ARHGEF7: variants seen among roughly 807,000 people sequenced by gnomAD.
The protein encoded by ARHGEF7 is Rho guanine nucleotide exchange factor 7, also known as PAK-interacting exchange factor beta.
ARHGEF7 carries 33 observed loss-of-function variants against 109.8 expected under a neutral mutation model. That is an observed-to-expected ratio of 0.30 (90% CI 0.23 to 0.40). The LOEUF (loss-of-function observed/expected upper bound fraction) is 0.40. ARHGEF7 is among the 10% of genes least tolerant of loss of function. The pLI is 1.00. For missense variants in ARHGEF7, 938 were observed against 1,098.5 expected, an observed-to-expected ratio of 0.85 and a Z score of 2.07; for synonymous variants, 458 against 424.6, an observed-to-expected ratio of 1.08 and a Z score of -0.97.
At chr13:111,285,284 T>C (rs538270591) in intron 16 of ARHGEF7, among the ~76,000 whole-genome samples, 1 of 152,330 alleles carries the variant, frequency 6.6e-6, no homozygotes, top group South Asian at 2.1e-4. Context: ...AAAACCAAGC[T>C]TTGTTTCCTC....
At chr13:111,229,897 C>T (rs2085800368) in intron 5 of ARHGEF7, among the ~76,000 whole-genome samples, 1 of 152,080 alleles carries the variant, frequency 6.6e-6, no homozygotes, top group South Asian at 2.1e-4. Context: ...CTGCACACTT[C>T]CTTGCTATTT....
intron 4 of ARHGEF7, among the ~76,000 whole-genome samples, chr13:111,215,006 G>A (rs148681873): frequency 5.9e-4 from 90 of 151,494 alleles, no homozygotes; most frequent in African/African-American, 2.1e-3. Flanking sequence ...CAGGTGATTC[G>A]CTGAGACCTG....
chr13:111,270,285 C>T (rs1450010223), intron 9 of ARHGEF7, among the ~76,000 whole-genome samples: 1 of 152,228 alleles, frequency 6.6e-6, no homozygotes, highest in African/African-American at 2.4e-5. Context: ...GCCGTCAGCC[C>T]ACAGCACTGT....
At chr13:111,252,077 C>T (rs987038740) in intron 8 of ARHGEF7, among the ~76,000 whole-genome samples, 5 of 152,144 alleles carry the variant, frequency 3.3e-5, no homozygotes, top group Admixed American at 6.5e-5. Flanking sequence ...GAAGGTGCAG[C>T]GGGTGATTTG....
intron 8 of ARHGEF7, chr13:111,265,570 G>A (rs750933006): frequency 2.8e-5 from 13 of 456,638 alleles, no homozygotes; most frequent in South Asian, 1.2e-4. Context: ...CGGGAAGTCC[G>A]GGGTCTGAGG....
intron 1 of ARHGEF7, among the ~76,000 whole-genome samples, chr13:111,124,546 A>T (rs2067428414): frequency 6.6e-6 from 1 of 152,182 alleles, no homozygotes; most frequent in Non-Finnish European, 1.5e-5. Context: ...GACCCCTGCA[A>T]GGATGGCAAG....
At chr13:111,247,371 T>C (rs1056635025) in intron 8 of ARHGEF7, among the ~76,000 whole-genome samples, 3 of 151,892 alleles carry the variant, frequency 2.0e-5, no homozygotes, top group Non-Finnish European at 1.5e-5. Context: ...TGAGTTCAAG[T>C]GATTCTCCTG....
intron 2 of ARHGEF7, among the ~76,000 whole-genome samples, chr13:111,173,224 C>A (rs937730525): frequency 1.3e-5 from 2 of 152,154 alleles, no homozygotes; most frequent in Admixed American, 1.3e-4. Flanking sequence ...GCAGAAACAG[C>A]CTAGCCATGG....
rs1016877018 is a variant in ARHGEF7, at chr13:111,251,996, T to A, written c.950+7702T>A. Among the ~76,000 whole-genome samples the A allele has an allele frequency of 2.0e-5, 3 of 152,222 alleles. No homozygotes were observed. The East Asian group carries it at 5.8e-4, about 29-fold the overall frequency. On this transcript the variant is annotated intron_variant, in intron 8 of 21. Coordinates refer to ENST00000646102, the MANE Select transcript of ARHGEF7 (RefSeq NM_001354046.2). ...GGATCTCTTTGTCTGTGGTTGCCAC[T>A]GTAGTTGATACTTCCAAAGTGGGAG...
intron 3 of ARHGEF7, among the ~76,000 whole-genome samples, chr13:111,205,690 T>G (rs2081743749): frequency 6.6e-6 from 1 of 152,154 alleles, no homozygotes. Context: ...TAGAAGCACC[T>G]TTCTCTCAGT....
chr13:111,279,114 G>A (rs2092646157), intron 13 of ARHGEF7, among the ~76,000 whole-genome samples: 1 of 152,212 alleles, frequency 6.6e-6, no homozygotes, highest in Non-Finnish European at 1.5e-5. Context: ...AAACACAGTT[G>A]TGCGGTTTCA....
rs970546145 is a variant in ARHGEF7 at position 111,115,484 on chromosome 13, T to G, written c.-43T>G. ...CGCGGGCCGGGCCGCCGCTCCGAGG[T>G]GAAGGCGCGCGCCCCTCCCCGCCTG... On this transcript the variant is annotated 5_prime_UTR_variant, in exon 1 of 22. It removes the in-frame stop codon of an upstream open reading frame in the 5' UTR. Coordinates refer to ENST00000646102, the MANE Select transcript of ARHGEF7 (RefSeq NM_001354046.2). 7.2e-6 allele frequency: 8 copies of G among 1,117,060 alleles called. No homozygotes were observed. Among genetic ancestry groups the G allele is most frequent in the African/African-American group, 1.7e-5 (1 of 58,002 alleles). The allele number at this position is 1,117,060 out of a possible 1,614,324, so 69.2% of individuals were successfully genotyped here. A position where few individuals can be genotyped will look rare whatever the true frequency, so the allele number is the denominator to read the frequency against.
chr13:111,221,166 TATATCTATATA>T, intron 5 of ARHGEF7, among the ~76,000 whole-genome samples: 5 of 90,858 alleles, frequency 5.5e-5, no homozygotes, highest in African/African-American at 1.8e-4. Flanking sequence ...TATGTCTATA[TATATCTATATA>T]GATATATATG....
chr13:111,133,808 TA>T (rs2074942663), intron 1 of ARHGEF7, among the ~76,000 whole-genome samples: 10 of 18,730 alleles, frequency 5.3e-4, no homozygotes, highest in African/African-American at 2.5e-3. Context: ...TATATATATA[TA>T]TATATTTATT....
intron 5 of ARHGEF7, among the ~76,000 whole-genome samples, chr13:111,223,365 A>C (rs1177435278): frequency 6.6e-6 from 1 of 152,196 alleles, no homozygotes; most frequent in African/African-American, 2.4e-5. Context: ...TCATTTCTTT[A>C]TTCATGAAAA....
At chr13:111,204,672 C>T (rs916817905) in intron 2 of ARHGEF7, among the ~76,000 whole-genome samples, 16 of 152,132 alleles carry the variant, frequency 1.1e-4, no homozygotes, top group Non-Finnish European at 2.9e-5. Context: ...CTCTAGATAG[C>T]CCTGGACTGG....
In ARHGEF7 at chr13:111,273,420, A is replaced by G. The variant is rs560826470; in HGVS notation, c.1074-394A>G. Among the ~76,000 whole-genome samples the G allele has an allele frequency of 6.6e-6, 1 of 152,320 alleles. No individual in the cohort carries two copies. The highest frequency in any genetic ancestry group is 2.1e-4 in the South Asian group (1 of 4,830). ...TCAGTGTGCTCTAGCTCTTTACCGG[A>G]GCAGCTCGGTCCTTGTTCTACCACC... On this transcript the variant is annotated intron_variant, in intron 9 of 21. Transcript: ENST00000646102. This position sits in a 1 kb window ranked among gnomAD's most constrained non-coding sequence, Gnocchi z 4.5.
chr13:111,132,974 A>G (rs973429595), intron 1 of ARHGEF7, among the ~76,000 whole-genome samples: 1 of 152,106 alleles, frequency 6.6e-6, no homozygotes, highest in African/African-American at 2.4e-5. Context: ...ATGCATCTGT[A>G]CACACATGTA....
At chr13:111,173,542 C>G (rs937952546) in intron 2 of ARHGEF7, among the ~76,000 whole-genome samples, 2 of 152,188 alleles carry the variant, frequency 1.3e-5, no homozygotes, top group Non-Finnish European at 2.9e-5. Flanking sequence ...AGGGACAGGG[C>G]AGAGTGCTCA....
Sources: allele counts gnomAD v4.1 joint callset (sites outside exome capture counted in the v4.1 genomes callset), GRCh38; gene constraint gnomAD v4.1.1; non-coding constraint Gnocchi (gnomAD v3.1); transcripts MANE v1.5; gene names NCBI Gene and HGNC (gene_info 2026-07-23, HGNC 2026-07-21).